The following CDH18 variants were observed in gnomAD, a reference collection of about 807,000 sequenced individuals.
CDH18 encodes cadherin 18.
In CDH18, 31 loss-of-function variants were observed where a neutral mutation model predicts 67.9. That is an observed-to-expected ratio of 0.46 (90% CI 0.34 to 0.62). The LOEUF (loss-of-function observed/expected upper bound fraction) is 0.62. Ranked by LOEUF, CDH18 falls within the 20% of genes least tolerant of loss-of-function variation. The pLI, the probability that CDH18 is intolerant of heterozygous loss-of-function variation, is 0.01. For missense variants in CDH18, 890 were observed against 975.5 expected (o/e 0.91, Z 1.17); for synonymous variants, 362 against 347.2 (o/e 1.04, Z -0.48).
At chr5:20,302,043 G>GA (rs113425887) in intron 1 of CDH18, among the ~76,000 whole-genome samples, 3 of 150,930 alleles carry the variant, frequency 2.0e-5, no homozygotes, top group Admixed American at 6.6e-5. Context: ...CAGGTTTTAA[G>GA]AAAAAAAAGG....
chr5:20,244,652 T>C (rs1253102625), intron 2 of CDH18, among the ~76,000 whole-genome samples: 1 of 152,152 alleles, frequency 6.6e-6, no homozygotes, highest in African/African-American at 2.4e-5. Context: ...TAATAAAGTA[T>C]GATTATGATA....
chr5:20,035,863 A>G (rs962333178), intron 2 of CDH18, among the ~76,000 whole-genome samples: 1 of 151,924 alleles, frequency 6.6e-6, no homozygotes, highest in Admixed American at 6.6e-5. Context: ...GCTAATAACT[A>G]TTATTTGTTG....
At chr5:19,602,959 C>T (rs1279686629) in intron 6 of CDH18, among the ~76,000 whole-genome samples, 2 of 86,718 alleles carry the variant, frequency 2.3e-5, no homozygotes, top group African/African-American at 4.1e-5. Flanking sequence ...GAGCGAAACT[C>T]CATCTCAAAA....
intron 10 of CDH18, among the ~76,000 whole-genome samples, chr5:19,507,074 C>T (rs563380503): frequency 7.2e-5 from 11 of 152,162 alleles, no homozygotes; most frequent in African/African-American, 2.6e-4. Context: ...AGCAAACAAC[C>T]CCATCAAAAA....
intron 2 of CDH18, among the ~76,000 whole-genome samples, chr5:20,231,858 A>G (rs2126504753): frequency 1.3e-5 from 2 of 152,228 alleles, no homozygotes; most frequent in East Asian, 3.9e-4. Context: ...TCGTAATTTT[A>G]ATACATGAAT....
At chr5:19,487,916 C>T (rs1270250013) in intron 11 of CDH18, among the ~76,000 whole-genome samples, 1 of 152,022 alleles carries the variant, frequency 6.6e-6, no homozygotes, top group Non-Finnish European at 1.5e-5. Context: ...AAGATGTTTA[C>T]AATTGGTAAA....
At chr5:19,680,456 C>G (rs924650837) in intron 5 of CDH18, among the ~76,000 whole-genome samples, 1 of 151,904 alleles carries the variant, frequency 6.6e-6, no homozygotes, top group Non-Finnish European at 1.5e-5. Flanking sequence ...AACATCTGCA[C>G]AGCAAAACAA....
At chr5:20,145,033 A>T (rs1750531682) in intron 2 of CDH18, among the ~76,000 whole-genome samples, 2 of 152,154 alleles carry the variant, frequency 1.3e-5, no homozygotes, top group South Asian at 4.1e-4. Context: ...TAGCCTCCAG[A>T]ACTGCAAGAC....
chr5:20,253,818 A>G (rs1394534427), intron 2 of CDH18, among the ~76,000 whole-genome samples: 1 of 152,190 alleles, frequency 6.6e-6, no homozygotes, highest in Non-Finnish European at 1.5e-5. Flanking sequence ...CAGCTTGAAT[A>G]TATATTTGAA....
rs533299842 is a variant in CDH18, at chr5:20,228,093, G to A, written c.-518+27351C>T. ...CAGTATTAACCCAATCCCCTTAATG[G>A]AAACACTCTGTCCTTAGTTTCAATA... On this transcript the variant is annotated intron_variant, in intron 2 of 14. Transcript: ENST00000507958. Among the ~76,000 whole-genome samples, 319 of 152,102 alleles carry A rather than the reference G, an allele frequency of 2.1e-3. 2 individuals are homozygous for A. Among genetic ancestry groups the A allele is most frequent in the Non-Finnish European group, 3.8e-3 (261 of 67,996 alleles).
chr5:20,235,978 C>T (rs1457020985), intron 2 of CDH18, among the ~76,000 whole-genome samples: 1 of 152,084 alleles, frequency 6.6e-6, no homozygotes, highest in Non-Finnish European at 1.5e-5. Context: ...AACCATTATC[C>T]TAAGTGAACT....
At chr5:20,541,466 G>A (rs184832908) in intron 1 of CDH18, among the ~76,000 whole-genome samples, 159 of 152,172 alleles carry the variant, frequency 1.0e-3, no homozygotes, top group African/African-American at 3.6e-3. Context: ...ATACAATGAA[G>A]TTGAGGAAAC....
intron 1 of CDH18, among the ~76,000 whole-genome samples, chr5:20,332,529 T>G (rs553946201): frequency 6.6e-6 from 1 of 152,344 alleles, no homozygotes; most frequent in East Asian, 1.9e-4. Context: ...CAGTAAGACC[T>G]CACTGAATGC....
chr5:20,544,836 C>T (rs1757253582), intron 1 of CDH18, among the ~76,000 whole-genome samples: 1 of 152,178 alleles, frequency 6.6e-6, no homozygotes, highest in African/African-American at 2.4e-5. Context: ...GCCTTCCCAA[C>T]AGTCACCCAA....
At chr5:19,676,712 A>T (rs900134309) in intron 5 of CDH18, among the ~76,000 whole-genome samples, 1 of 151,960 alleles carries the variant, frequency 6.6e-6, no homozygotes, top group Non-Finnish European at 1.5e-5. Flanking sequence ...TCAGATGAAC[A>T]TACATACAAC....
At chr5:20,155,819 A>C (rs1451105883) in intron 2 of CDH18, among the ~76,000 whole-genome samples, 1 of 152,074 alleles carries the variant, frequency 6.6e-6, no homozygotes, top group African/African-American at 2.4e-5. Flanking sequence ...GAAATCATTT[A>C]TTGAATAGGG....
At chr5:20,057,732 G>A (rs929193578) in intron 2 of CDH18, among the ~76,000 whole-genome samples, 4 of 152,152 alleles carry the variant, frequency 2.6e-5, no homozygotes, top group African/African-American at 9.6e-5. Context: ...GTAAGGTGAT[G>A]GAACTTAACC....
intron 2 of CDH18, among the ~76,000 whole-genome samples, chr5:19,882,539 T>C (rs1477815517): frequency 3.3e-5 from 5 of 152,146 alleles, no homozygotes; most frequent in Admixed American, 2.6e-4. Flanking sequence ...ATTAAAATAA[T>C]AGTTTGGACT....
At chr5:19,553,457 T>A (rs1737814237) in intron 8 of CDH18, among the ~76,000 whole-genome samples, 1 of 151,716 alleles carries the variant, frequency 6.6e-6, no homozygotes, top group Admixed American at 6.6e-5. Flanking sequence ...GAAGACCTCT[T>A]TCAGTTGTCA....
Sources: gnomAD v4.1 joint callset for allele counts (sites outside exome capture counted in the v4.1 genomes callset) on GRCh38, gnomAD v4.1.1 for gene constraint, MANE v1.5 for transcripts, NCBI Gene and HGNC (gene_info 2026-07-23, HGNC 2026-07-21) for gene names.